The following SPECC1L variants were observed in gnomAD, a reference collection of about 807,000 sequenced individuals.
SPECC1L encodes the protein sperm antigen with calponin homology and coiled-coil domains 1 like.
A neutral mutation model predicts 116.8 loss-of-function variants in SPECC1L; 40 were observed. The observed-to-expected ratio is 0.34, with a 90% CI of 0.27 to 0.45. The LOEUF (loss-of-function observed/expected upper bound fraction) is 0.45. SPECC1L is among the 20% of genes least tolerant of loss of function. The pLI, the probability that SPECC1L is intolerant of heterozygous loss-of-function variation, is 1.00. For synonymous variants in SPECC1L, 504 were observed against 500.6 expected (o/e 1.01, Z -0.09); for missense variants, 1,110 against 1,373.6 (o/e 0.81, Z 3.03).
chr22:24,305,615 GAGTATT>G (rs2049477863), intron 3 of SPECC1L, among the ~76,000 whole-genome samples: 1 of 152,092 alleles, frequency 6.6e-6, no homozygotes, highest in African/African-American at 2.4e-5. Context: ...CTGTGGTTAT[GAGTATT>G]ATTGTTATGA....
At position 24,305,014 on chromosome 22, in the gene SPECC1L, T is replaced by C. The variant is rs62233095; in HGVS notation, c.153+2630T>C. Among the ~76,000 whole-genome samples, 1,183 of 152,328 alleles carry C rather than the reference T, an allele frequency of 7.8e-3. 8 individuals carry two copies. Among genetic ancestry groups the C allele is most frequent in the South Asian group, 0.024 (116 of 4,830 alleles). ...ATCCATTTCATGTTTTTAGACTTACTGATGGGGGGTGTTTATGTGTGAGAA... is the reference window on the plus strand; with the variant it reads ...ATCCATTTCATGTTTTTAGACTTACCGATGGGGGGTGTTTATGTGTGAGAA... On this transcript the variant is annotated intron_variant, in intron 3 of 16. Coordinates refer to ENST00000314328, the MANE Select transcript of SPECC1L (RefSeq NM_015330.6).
chr22:24,334,985 C>T (rs1390428379), intron 9 of SPECC1L, among the ~76,000 whole-genome samples: 1 of 152,206 alleles, frequency 6.6e-6, no homozygotes, highest in African/African-American at 2.4e-5. Flanking sequence ...AGTCCAAAAA[C>T]CAAACTCTTG....
chr22:24,348,786 T>C (rs912100075), intron 11 of SPECC1L, among the ~76,000 whole-genome samples: 4 of 152,192 alleles, frequency 2.6e-5, no homozygotes, highest in African/African-American at 9.7e-5. Flanking sequence ...TCCTCATCTG[T>C]AAATTGATAG....
intron 12 of SPECC1L, among the ~76,000 whole-genome samples, 191 bp downstream of exon 12, chr22:24,363,535 C>T (rs557391313): frequency 4.6e-5 from 7 of 152,232 alleles, no homozygotes; most frequent in Admixed American, 3.9e-4. Context: ...CCTAGCTGGG[C>T]TTTAAATCAA....
chr22:24,403,557 A>G (rs1457677644), intron 14 of SPECC1L, among the ~76,000 whole-genome samples: 1 of 152,198 alleles, frequency 6.6e-6, no homozygotes, highest in Non-Finnish European at 1.5e-5. Flanking sequence ...GGCCTCCATC[A>G]GAAGCTGTCT....
At chr22:24,310,804 A>G (rs1390855843) in intron 3 of SPECC1L, among the ~76,000 whole-genome samples, 3 of 152,108 alleles carry the variant, frequency 2.0e-5, no homozygotes, top group Non-Finnish European at 4.4e-5. Context: ...TGGTTGTACA[A>G]AACATTTTAA....
chr22:24,320,893 G>GA (rs2040708250), intron 4 of SPECC1L, among the ~76,000 whole-genome samples: 1 of 152,076 alleles, frequency 6.6e-6, no homozygotes. Flanking sequence ...GTTTACCACC[G>GA]ACTGGCTAAT....
rs1243365013 is a variant in SPECC1L at position 24,322,303 on chromosome 22, G to A, written c.1323G>A (p.Glu441=). The A allele has an allele frequency of 1.9e-6, 3 of 1,614,126 alleles. No individual in the cohort carries two copies. The highest frequency in any genetic ancestry group is 2.2e-5 in the East Asian group (1 of 44,900). Residue 441 remains glutamate, a synonymous_variant, in exon 5 of 17, where the codon GAG becomes GAA. Coordinates refer to ENST00000314328, the MANE Select transcript of SPECC1L (RefSeq NM_015330.6). ...LNSENERLGE[E]KVILMESLCQ... Reference sequence around the variant, plus strand: ...GTGAAAACGAAAGGCTTGGAGAAGAGAAGGTTATTCTGATGGAGTCTTTAT... The same window carrying A: ...GTGAAAACGAAAGGCTTGGAGAAGAAAAGGTTATTCTGATGGAGTCTTTAT...
At chr22:24,292,397 TG>T (rs1418556404) in intron 2 of SPECC1L, among the ~76,000 whole-genome samples, 1 of 152,206 alleles carries the variant, frequency 6.6e-6, no homozygotes, top group East Asian at 1.9e-4. Context: ...TGATCTGTGA[TG>T]AAGTAACTTC....
At chr22:24,328,041 G>A (rs1332699207) in intron 6 of SPECC1L, among the ~76,000 whole-genome samples, 1 of 152,124 alleles carries the variant, frequency 6.6e-6, no homozygotes, top group Non-Finnish European at 1.5e-5. Flanking sequence ...AGCCGTAAGC[G>A]GTTTACTTAG....
At chr22:24,362,482 C>T (rs1213941217) in intron 11 of SPECC1L, among the ~76,000 whole-genome samples, 1 of 152,198 alleles carries the variant, frequency 6.6e-6, no homozygotes, top group African/African-American at 2.4e-5. Context: ...GTGTCCTTCC[C>T]TGAAGGCTCA....
intron 14 of SPECC1L, among the ~76,000 whole-genome samples, chr22:24,369,873 C>T (rs900493932): frequency 1.1e-4 from 16 of 152,114 alleles, no homozygotes; most frequent in African/African-American, 3.9e-4. Context: ...TCTAATTCTC[C>T]ATACAAAAGG....
chr22:24,387,128 A>G (rs1479089914), intron 14 of SPECC1L, among the ~76,000 whole-genome samples: 2 of 152,218 alleles, frequency 1.3e-5, no homozygotes, highest in African/African-American at 2.4e-5. Context: ...AATAGTCTCC[A>G]TAAGAATCAA....
chr22:24,414,843 A>G lies in SPECC1L; in HGVS notation c.*220A>G, dbSNP rs1395011509. ...CCCACATGACCCGTCCATTCAGGTCATGTGGGCTCAGCACACATCCTGCAG... is the reference window on the plus strand; with the variant it reads ...CCCACATGACCCGTCCATTCAGGTCGTGTGGGCTCAGCACACATCCTGCAG... On this transcript the variant is annotated 3_prime_UTR_variant, in exon 17 of 17. Coordinates refer to ENST00000314328, the MANE Select transcript of SPECC1L (RefSeq NM_015330.6). 6.9e-6 allele frequency: 4 copies of G among 578,888 alleles called. No individual in the cohort carries two copies. Among genetic ancestry groups the G allele is most frequent in the South Asian group, 1.9e-5 (1 of 51,644 alleles). 35.9% of individuals were successfully genotyped at this position (578,888 alleles called of 1,614,324 possible). A position where few individuals can be genotyped will look rare whatever the true frequency, so the allele number is the denominator to read the frequency against.
intron 4 of SPECC1L, among the ~76,000 whole-genome samples, 181 bp from the exon 5 acceptor site, chr22:24,321,107 A>G (rs1397963224): frequency 6.6e-6 from 1 of 152,258 alleles, no homozygotes; most frequent in Non-Finnish European, 1.5e-5. Context: ...TAAAAGATGA[A>G]TGATCTTCTG....
chr22:24,301,484 CT>C (rs2049377891), intron 2 of SPECC1L, among the ~76,000 whole-genome samples: 1 of 152,072 alleles, frequency 6.6e-6, no homozygotes. Context: ...CCTAACCTAC[CT>C]TAAACATGGT....
At chr22:24,408,944 G>A (rs905108335) in intron 14 of SPECC1L, among the ~76,000 whole-genome samples, 4 of 152,228 alleles carry the variant, frequency 2.6e-5, no homozygotes, top group African/African-American at 4.8e-5. Flanking sequence ...TCGCAGGGGC[G>A]GCCTGCCCAG....
At chr22:24,302,463 C>G in intron 3 of SPECC1L, 79 bp downstream of exon 3, 1 of 1,560,246 alleles carries the variant, frequency 6.4e-7, no homozygotes, top group Non-Finnish European at 8.8e-7. Context: ...ATTAAATGAG[C>G]ATTCTTAGGG....
chr22:24,368,874 T>C (rs1601294327), intron 13 of SPECC1L, among the ~76,000 whole-genome samples: 1 of 152,238 alleles, frequency 6.6e-6, no homozygotes, highest in East Asian at 1.9e-4. Flanking sequence ...CTCAAACTCC[T>C]GACTTCAGGT....
Sources: allele counts gnomAD v4.1 joint callset (sites outside exome capture counted in the v4.1 genomes callset), GRCh38; gene constraint gnomAD v4.1.1; transcripts MANE v1.5; gene names NCBI Gene and HGNC (gene_info 2026-07-23, HGNC 2026-07-21).